The following SNAP29 variants were observed in gnomAD, a reference collection of about 807,000 sequenced individuals.
SNAP29 encodes synaptosome associated protein 29, also known as synaptosomal-associated protein 29.
SNAP29 carries 13 observed loss-of-function variants against 27.9 expected under a neutral mutation model. That is an observed-to-expected ratio of 0.47 (90% CI 0.30 to 0.74). The LOEUF (loss-of-function observed/expected upper bound fraction) is 0.74. Among genes scored for constraint, SNAP29 ranks in the 30% least tolerant of loss-of-function variants. The pLI is 0.06. For synonymous variants in SNAP29, 119 were observed against 127.1 expected (o/e 0.94, Z 0.43); for missense variants, 368 against 336.5 (o/e 1.09, Z -0.73).
intron 2 of SNAP29, chr22:20,871,024 G>A (rs1928578020): frequency 4.5e-6 from 1 of 223,642 alleles, no homozygotes; most frequent in African/African-American, 2.3e-5. Context: ...AGCTCCTCAG[G>A]AGGCTGAGGT....
rs1183046526 is a variant in SNAP29 at position 20,887,984 on chromosome 22, G to A, written c.*148G>A. 4.9e-6 allele frequency: 4 copies of A among 808,210 alleles called. No homozygotes were observed. In the East Asian group the frequency reaches 8.1e-5, roughly 16 times the overall value. The allele number at this position is 808,210 out of a possible 1,614,324, so 50.1% of individuals were successfully genotyped here. A position where few individuals can be genotyped will look rare whatever the true frequency, so the allele number is the denominator to read the frequency against. On this transcript the variant is annotated 3_prime_UTR_variant, in exon 5 of 5. Coordinates refer to ENST00000215730, the MANE Select transcript of SNAP29 (RefSeq NM_004782.4). ...GAGTAGGTCTTAAGACATTTTTGCT[G>A]TTATAAGGAAGTGTTTGTCCCACAT...
intron 1 of SNAP29, 140 bp from the exon 2 acceptor site, chr22:20,870,196 AG>A: frequency 1.4e-6 from 1 of 727,452 alleles, no homozygotes; most frequent in Non-Finnish European, 2.5e-6. Flanking sequence ...TGGAAAGGGT[AG>A]TGTGCCCCTC....
At chr22:20,860,520 GCCA>G (rs1187072183) in intron 1 of SNAP29, among the ~76,000 whole-genome samples, 1 of 149,728 alleles carries the variant, frequency 6.7e-6, no homozygotes, top group Non-Finnish European at 1.5e-5. Context: ...CAGGTGCGCC[GCCA>G]CACCCGGCTA....
chr22:20,874,670 A>AAGGTTATG (rs1169455118), intron 2 of SNAP29, among the ~76,000 whole-genome samples: 1 of 151,454 alleles, frequency 6.6e-6, no homozygotes, highest in Non-Finnish European at 1.5e-5. Flanking sequence ...GGCACTAGCT[A>AAGGTTATG]AGGTTATGAG....
chr22:20,877,198 G>T (rs889467650), intron 2 of SNAP29, among the ~76,000 whole-genome samples: 1 of 151,836 alleles, frequency 6.6e-6, no homozygotes, highest in African/African-American at 2.4e-5. Context: ...TGAGGTGGGC[G>T]GATCACAAAG....
chr22:20,869,278 G>C (rs1051543875), intron 1 of SNAP29, among the ~76,000 whole-genome samples: 3 of 152,108 alleles, frequency 2.0e-5, no homozygotes, highest in African/African-American at 7.2e-5. Context: ...AAAGGAGGTG[G>C]AGAAGAGGGG....
intron 1 of SNAP29, among the ~76,000 whole-genome samples, chr22:20,865,446 C>T (rs1249088275): frequency 2.0e-5 from 3 of 152,060 alleles, no homozygotes; most frequent in Non-Finnish European, 4.4e-5. Context: ...GCTGGTTGTT[C>T]GAGCTTCTGG....
At chr22:20,865,210 C>A (rs920922762) in intron 1 of SNAP29, among the ~76,000 whole-genome samples, 3 of 152,024 alleles carry the variant, frequency 2.0e-5, no homozygotes, top group African/African-American at 7.3e-5. Flanking sequence ...CAAAAATTAC[C>A]TGGGCATGGC....
rs185022818 is a variant in SNAP29 at position 20,861,784 on chromosome 22, G to A, written c.237+2437G>A. Among the ~76,000 whole-genome samples, 502 of 152,210 alleles carry A rather than the reference G, an allele frequency of 3.3e-3. 4 individuals are homozygous for A. The highest frequency in any genetic ancestry group is 0.012 in the African/African-American group (484 of 41,524). ...TGAGTAGCTGGGCTTACAGGCACCC[G>A]CCGCCATGCCCAGCTAATTTTTGTA... On this transcript the variant is annotated intron_variant, in intron 1 of 4. Transcript: ENST00000215730.
chr22:20,874,348 GCCACACACACACAC>G (rs1347199977), intron 2 of SNAP29, among the ~76,000 whole-genome samples: 4 of 63,230 alleles, frequency 6.3e-5, no homozygotes, highest in African/African-American at 2.2e-4. Context: ...ACGAAAATTA[GCCACACACACACAC>G]ACACACACAC....
At chr22:20,868,047 C>G (rs1928500913) in intron 1 of SNAP29, among the ~76,000 whole-genome samples, 2 of 152,198 alleles carry the variant, frequency 1.3e-5, no homozygotes, top group African/African-American at 4.8e-5. Context: ...CTAGCTGGAA[C>G]TGGACTGTCA....
chr22:20,859,027 G>T lies in SNAP29; in HGVS notation c.-84G>T. 2 of 1,393,712 alleles carry T rather than the reference G, an allele frequency of 1.4e-6. No individual in the cohort carries two copies. The highest frequency in any genetic ancestry group is 5.0e-5 in the East Asian group (2 of 39,892). The allele number at this position is 1,393,712 out of a possible 1,614,324, so 86.3% of individuals were successfully genotyped here. A position where few individuals can be genotyped will look rare whatever the true frequency, so the allele number is the denominator to read the frequency against. ...AAGGAGTTCGCGCGACGACCGCGGGGTCGGCGGGCGGGGCGAGGCCCTGGA... is the reference window on the plus strand; with the variant it reads ...AAGGAGTTCGCGCGACGACCGCGGGTTCGGCGGGCGGGGCGAGGCCCTGGA... On this transcript the variant is annotated 5_prime_UTR_variant, in exon 1 of 5. Coordinates refer to ENST00000215730, the MANE Select transcript of SNAP29 (RefSeq NM_004782.4).
chr22:20,873,802 T>G (rs1026383481), intron 2 of SNAP29, among the ~76,000 whole-genome samples: 1 of 145,928 alleles, frequency 6.9e-6, no homozygotes, highest in Non-Finnish European at 1.5e-5. Flanking sequence ...ACCCAGTGTC[T>G]CCTAAAAATA....
intron 1 of SNAP29, among the ~76,000 whole-genome samples, chr22:20,866,307 G>C (rs1928458248): frequency 6.6e-6 from 1 of 152,218 alleles, no homozygotes; most frequent in Admixed American, 6.5e-5. Context: ...CCCCGGGTTT[G>C]AGCATCTGCC....
intron 4 of SNAP29, among the ~76,000 whole-genome samples, chr22:20,885,793 T>C (rs981488999): frequency 1.3e-5 from 2 of 152,320 alleles, no homozygotes; most frequent in Middle Eastern, 6.8e-3. Context: ...AGCTCAGCCC[T>C]CTGGCCCTGC....
At position 20,870,589 on chromosome 22, in the gene SNAP29, A is replaced by G. The variant is rs574072780; in HGVS notation, c.434+56A>G. On this transcript the variant is annotated intron_variant, in intron 2 of 4. Transcript: ENST00000215730. ...AGGAGCAGAAGTGGGGATTAGTGCA[A>G]ATGACCAAGACTTTCAGTCCACGTC... is the stretch of plus-strand genomic sequence containing the variant. 12 of 1,516,518 alleles carry G rather than the reference A, an allele frequency of 7.9e-6. No individual in the cohort carries two copies. The South Asian group carries it at 1.4e-4, about 18-fold the overall frequency. 93.9% of individuals were successfully genotyped at this position (1,516,518 alleles called of 1,614,324 possible).
At chr22:20,876,237 G>A (rs1479126340) in intron 2 of SNAP29, among the ~76,000 whole-genome samples, 1 of 145,440 alleles carries the variant, frequency 6.9e-6, no homozygotes, top group African/African-American at 2.5e-5. Flanking sequence ...CAGGAATACT[G>A]TCACTTAAAA....
chr22:20,861,889 T>TC (rs1347086945), intron 1 of SNAP29, among the ~76,000 whole-genome samples: 22 of 152,322 alleles, frequency 1.4e-4, no homozygotes, highest in African/African-American at 5.1e-4. Context: ...TGCCTTGGCC[T>TC]CCCAAAGTGT....
At chr22:20,882,243 C>CAT (rs1928907819) in intron 3 of SNAP29, among the ~76,000 whole-genome samples, 1 of 151,624 alleles carries the variant, frequency 6.6e-6, no homozygotes, top group South Asian at 2.1e-4. Context: ...TTTGTCACAG[C>CAT]ATCAGTGAGG....
Sources: gnomAD v4.1 joint callset for allele counts (sites outside exome capture counted in the v4.1 genomes callset) on GRCh38, gnomAD v4.1.1 for gene constraint, MANE v1.5 for transcripts, NCBI Gene and HGNC (gene_info 2026-07-23, HGNC 2026-07-21) for gene names.